LHB: variants seen among roughly 807,000 people sequenced by gnomAD.
The protein encoded by LHB is luteinizing hormone subunit beta, also known as lutropin subunit beta.
A neutral mutation model predicts 10.6 loss-of-function variants in LHB; 11 were observed. The observed-to-expected ratio is 1.04, with a 90% CI of 0.66 to 1.72. The LOEUF is 1.72. Among genes scored for constraint, LHB ranks in the 40% most tolerant of loss-of-function variants. The probability of loss-of-function intolerance (pLI) is 0.00; values close to 1 mark genes in which losing one functional copy is unlikely to be tolerated. For missense variants in LHB, 184 were observed against 197.3 expected, an observed-to-expected ratio of 0.93 and a Z score of 0.41; for synonymous variants, 86 against 83.1, an observed-to-expected ratio of 1.03 and a Z score of -0.19.
upstream of LHB, chr19:49,018,251 C>T (rs899741058): frequency 3.8e-4 from 344 of 912,170 alleles, 1 homozygote; most frequent in Non-Finnish European, 4.8e-4. Context: ...ACAGGGCGGC[C>T]GCTGCGGGCC....
chr19:49,017,697 A>T, upstream of LHB: 2 of 572,914 alleles, frequency 3.5e-6, no homozygotes, highest in East Asian at 3.9e-5. Flanking sequence ...GGTGTGGTTC[A>T]GGTGATTTAA....
upstream of LHB, chr19:49,018,844 AG>A: frequency 4.0e-6 from 6 of 1,507,382 alleles, no homozygotes; most frequent in Non-Finnish European, 5.3e-6. Context: ...GCTGTGCAGG[AG>A]GCGGTGCCGA....
chr19:49,017,809 G>A, upstream of LHB: 1 of 400,722 alleles, frequency 2.5e-6, no homozygotes, highest in East Asian at 3.6e-5. Context: ...TGCCGCAGCT[G>A]AGTGGGTGTC....
chr19:49,019,290 G>C, upstream of LHB: 1 of 1,200,508 alleles, frequency 8.3e-7, no homozygotes, highest in Non-Finnish European at 1.0e-6. Context: ...AACCTCCCTG[G>C]TTCCGCTCTG....
At chr19:49,018,327 C>A, upstream of LHB, 2 of 1,217,686 alleles carry the variant, frequency 1.6e-6, no homozygotes, top group African/African-American at 1.6e-5. Flanking sequence ...CGGGGGTATC[C>A]GGACAGCTCC....
chr19:49,017,220 G>C, upstream of LHB: 1 of 1,447,000 alleles, frequency 6.9e-7, no homozygotes, highest in South Asian at 1.1e-5. Context: ...CATGGCCAGG[G>C]AGGCGCAGGA....
intron 1 of LHB, 100 bp from the exon 2 acceptor site, chr19:49,016,814 C>T: frequency 1.3e-6 from 2 of 1,593,922 alleles, no homozygotes; most frequent in South Asian, 1.1e-5. Flanking sequence ...CCCAGAGACC[C>T]TTCCCGGCAT....
At position 49,016,161 on chromosome 19, in the gene LHB, T is replaced by A; in HGVS notation, c.333A>T (p.Gly111=). The change falls in exon 3 of 3, where the codon GGA becomes GGT. Residue 111 remains glycine, a synonymous_variant. Transcript: ENST00000649238. ...AGTCAGAGGTGCTGCGGCGGCAGGGTCCACAGCGACAGCTGAGAGCCACAG... is the reference window on the plus strand; with the variant it reads ...AGTCAGAGGTGCTGCGGCGGCAGGGACCACAGCGACAGCTGAGAGCCACAG... ...SFPVALSCRC[G]PCRRSTSDCG... 1 of 1,612,372 alleles carries A rather than the reference T, an allele frequency of 6.2e-7. No individual in the cohort carries two copies. The highest frequency in any genetic ancestry group is 1.1e-5 in the South Asian group (1 of 90,992).
Position 49,016,013 on chromosome 19 carries a change from G to A in LHB, c.*55C>T, listed in dbSNP as rs747317735. The A allele has an allele frequency of 5.6e-5, 90 of 1,613,984 alleles. No individual in the cohort carries two copies. The highest frequency in any genetic ancestry group is 5.0e-4 in the Middle Eastern group (3 of 6,012). The stretch of plus-strand genomic sequence containing the variant: ...GAGAAGCCTTTATTGTGGGAGGATC[G>A]GGGTGTCAGGGCTCCAGGAGTCGGG... On this transcript the variant is annotated 3_prime_UTR_variant, in exon 3 of 3. Transcript: ENST00000649238.
upstream of LHB, chr19:49,017,154 G>A (rs2039569771): frequency 3.1e-6 from 5 of 1,607,532 alleles, no homozygotes; most frequent in African/African-American, 2.7e-5. Context: ...GCCACCAGGA[G>A]GTGATAGGAT....
chr19:49,016,916 C>T, intron 1 of LHB, 151 bp downstream of exon 1: 1 of 1,600,924 alleles, frequency 6.2e-7, no homozygotes, highest in Non-Finnish European at 8.5e-7. Context: ...TTCAGATCCC[C>T]ACCCTCAGGA....
upstream of LHB, chr19:49,018,904 T>C: frequency 1.3e-6 from 2 of 1,534,078 alleles, no homozygotes; most frequent in East Asian, 4.9e-5. Context: ...CGCGCCGAGG[T>C]GGTCAGATAG....
chr19:49,018,705 C>CT (rs532638896), upstream of LHB, among the ~76,000 whole-genome samples: 429 of 150,648 alleles, frequency 2.8e-3, 2 homozygotes, highest in African/African-American at 0.01. Context: ...CTCCTGGGTG[C>CT]TTAAAAAAAA....
At chr19:49,017,820 T>A (rs1360780498), upstream of LHB, 1 of 399,818 alleles carries the variant, frequency 2.5e-6, no homozygotes, top group East Asian at 3.6e-5. Context: ...AGTGGGTGTC[T>A]GGGCTAGTCC....
In LHB at chr19:49,016,046, T is replaced by C; in HGVS notation, c.*22A>G. 1.9e-6 allele frequency: 3 copies of C among 1,613,782 alleles called. No homozygotes were observed. The highest frequency in any genetic ancestry group is 2.5e-6 in the Non-Finnish European group (3 of 1,180,012). ...AGGGCTCCAGGAGTCGGGATGGACT[T>C]GGAAGGCTGCGGGGAGGGTCTTTAG... On this transcript the variant is annotated 3_prime_UTR_variant, in exon 3 of 3. Transcript: ENST00000649238.
chr19:49,016,780 C>G, intron 1 of LHB, 66 bp from the exon 2 acceptor site: 1 of 1,603,126 alleles, frequency 6.2e-7, no homozygotes, highest in East Asian at 2.2e-5. Flanking sequence ...CTTCCCATCC[C>G]GCGTGGTACA....
chr19:49,018,709 A>G (rs1201506204), upstream of LHB, among the ~76,000 whole-genome samples: 1 of 149,360 alleles, frequency 6.7e-6, no homozygotes, highest in Non-Finnish European at 1.5e-5. Context: ...TGGGTGCTTA[A>G]AAAAAAAAGG....
chr19:49,019,037 T>C (rs1234048418), upstream of LHB: 23 of 1,512,440 alleles, frequency 1.5e-5, no homozygotes, highest in South Asian at 2.3e-4. Flanking sequence ...ACCCAAGACA[T>C]AGATTTCATA....
chr19:49,016,266 C>CACCACCTGAGGCAGGGGCGGCAGG lies in LHB; in HGVS notation c.204_227dup (p.Leu69_Val76dup). The CACCACCTGAGGCAGGGGCGGCAGG allele has an allele frequency of 6.2e-7, 1 of 1,612,270 alleles. No homozygotes were observed. Among genetic ancestry groups the CACCACCTGAGGCAGGGGCGGCAGG allele is most frequent in the South Asian group, 1.1e-5 (1 of 91,006 alleles). ...CGAAGCGCACATCACGGTAGGTGCACACCACCTGAGGCAGGGGCGGCAGGA... is the reference window on the plus strand; with the variant it reads ...CGAAGCGCACATCACGGTAGGTGCACACCACCTGAGGCAGGGGCGGCAGGACCACCTGAGGCAGGGGCGGCAGGA... On this transcript the variant is annotated inframe_insertion, in exon 3 of 3. Transcript: ENST00000649238.
Sources: gnomAD v4.1 joint callset for allele counts (sites outside exome capture counted in the v4.1 genomes callset) on GRCh38, gnomAD v4.1.1 for gene constraint, MANE v1.5 for transcripts, NCBI Gene and HGNC (gene_info 2026-07-23, HGNC 2026-07-21) for gene names.